Variants in TRHDE observed in about 807,000 individuals in gnomAD.
The protein encoded by TRHDE is thyrotropin-releasing hormone-degrading ectoenzyme.
Under a neutral mutation model 125.7 loss-of-function variants are expected in TRHDE, and 72 were observed. The ratio of observed to expected loss-of-function variants is 0.57; its 90% CI spans 0.47 to 0.70. The LOEUF is 0.70. TRHDE is among the 30% of genes least tolerant of loss of function. The pLI is 0.00. For synonymous variants in TRHDE, 509 were observed against 509.1 expected, an observed-to-expected ratio of 1.00 and a Z score of 0.00; for missense variants, 1,110 against 1,327.1, an observed-to-expected ratio of 0.84 and a Z score of 2.54.
intron 18 of TRHDE, among the ~76,000 whole-genome samples, chr12:72,657,923 T>G (rs541733542): frequency 2.0e-5 from 3 of 152,314 alleles, no homozygotes; most frequent in Non-Finnish European, 4.4e-5. Context: ...CAGTTTTCAC[T>G]GACAGAATGC....
intron 3 of TRHDE, among the ~76,000 whole-genome samples, chr12:72,381,635 A>G (rs2135780946): frequency 6.6e-6 from 1 of 152,116 alleles, no homozygotes; most frequent in African/African-American, 2.4e-5. Flanking sequence ...TGACCTCGTG[A>G]TCCGCCCGCC....
rs184150427 is a variant in TRHDE at position 72,197,152 on chromosome 12, A to T, written n.279+91400A>T. ...CTTTAGTAAGCTGCTGTGCCATCACAATTTCCATTTTCTTCCTACCTCATT... is the reference window on the plus strand; with the variant it reads ...CTTTAGTAAGCTGCTGTGCCATCACTATTTCCATTTTCTTCCTACCTCATT... On this transcript the variant is annotated intron_variant and non_coding_transcript_variant, in intron 2 of 4. Coordinates refer to the TRHDE transcript ENST00000548156. 4.6e-5 allele frequency among the ~76,000 whole-genome samples: 7 copies of T among 152,162 alleles called. No individual in the cohort carries two copies. In the East Asian group the frequency reaches 1.4e-3, roughly 29 times the overall value.
At chr12:72,639,136 G>A (rs1873912906) in intron 15 of TRHDE, among the ~76,000 whole-genome samples, 2 of 150,960 alleles carry the variant, frequency 1.3e-5, no homozygotes, top group African/African-American at 2.4e-5. Flanking sequence ...TCACTTTCAG[G>A]TACACCAATC....
intron 2 of TRHDE, among the ~76,000 whole-genome samples, chr12:72,341,080 C>T (rs1870061626): frequency 6.6e-6 from 1 of 151,440 alleles, no homozygotes; most frequent in Non-Finnish European, 1.5e-5. Context: ...CCATGTGTTT[C>T]TAAAACTTGG....
intron 12 of TRHDE, among the ~76,000 whole-genome samples, chr12:72,614,292 G>A (rs1177529121): frequency 7.9e-6 from 1 of 126,750 alleles, no homozygotes; most frequent in Non-Finnish European, 1.6e-5. Context: ...TTAAGCAATG[G>A]CTGGATTATA....
intron 2 of TRHDE, among the ~76,000 whole-genome samples, chr12:72,372,072 A>G (rs528341469): frequency 9.2e-5 from 14 of 152,204 alleles, no homozygotes; most frequent in African/African-American, 3.4e-4. Context: ...TGACTTTTTA[A>G]TGATTGCCAT....
At chr12:72,367,915 G>A (rs997476512) in intron 2 of TRHDE, among the ~76,000 whole-genome samples, 2 of 152,164 alleles carry the variant, frequency 1.3e-5, no homozygotes, top group African/African-American at 4.8e-5. Context: ...GAATAGCTCT[G>A]GCAAGTCAGA....
At chr12:72,210,551 A>C (rs1877759978) in intron 2 of TRHDE, among the ~76,000 whole-genome samples, 1 of 152,132 alleles carries the variant, frequency 6.6e-6, no homozygotes, top group Non-Finnish European at 1.5e-5. Context: ...GAAAATTATG[A>C]CTCCTACAAA....
chr12:72,383,723 T>TG, intron 3 of TRHDE, among the ~76,000 whole-genome samples: 1 of 151,600 alleles, frequency 6.6e-6, no homozygotes, highest in Non-Finnish European at 1.5e-5. Context: ...TTCTGTTTTT[T>TG]TTTTTTTTTT....
chr12:72,421,654 G>C (rs1873961038), intron 3 of TRHDE, among the ~76,000 whole-genome samples: 1 of 152,196 alleles, frequency 6.6e-6, no homozygotes, highest in Admixed American at 6.5e-5. Flanking sequence ...AGACCTTGTG[G>C]GGTGGGAGAC....
chr12:72,547,233 T>G (rs527608138), intron 7 of TRHDE, among the ~76,000 whole-genome samples: 1 of 151,726 alleles, frequency 6.6e-6, no homozygotes, highest in Non-Finnish European at 1.5e-5. Flanking sequence ...TAAGACCATA[T>G]GATACTTCTC....
intron 2 of TRHDE, among the ~76,000 whole-genome samples, chr12:72,302,268 G>A (rs1047547239): frequency 2.1e-4 from 31 of 148,420 alleles, no homozygotes; most frequent in African/African-American, 6.9e-4. Flanking sequence ...GTGTGTGTGT[G>A]TGCATGTGTG....
rs571916442 is a variant in TRHDE at position 72,272,415 on chromosome 12, C to T, written c.-229C>T. On this transcript the variant is annotated 5_prime_UTR_variant, in exon 1 of 19. Transcript: ENST00000261180. This position sits in a 1 kb window ranked among gnomAD's most constrained non-coding sequence, Gnocchi z 6.7. ...CAAGCAAGACGCTTTCCAAGTTGGG[C>T]GCGTCCCAGAGCTCACAGCCCGGTG... The T allele has an allele frequency of 1.2e-4, 51 of 438,278 alleles. 1 individual carries two copies. The highest frequency in any genetic ancestry group is 9.8e-4 in the African/African-American group (49 of 50,028). The allele number at this position is 438,278 out of a possible 1,614,324, so 27.1% of individuals were successfully genotyped here.
Position 72,151,799 on chromosome 12 carries a change from C to A in TRHDE, n.279+46047C>A, listed in dbSNP as rs1410435930. On this transcript the variant is annotated intron_variant and non_coding_transcript_variant, in intron 2 of 4. Transcript: ENST00000548156. Reference sequence around the variant, plus strand: ...TACCATGCTGTTTTGGTTACTGTAGCCTTGTAGTATAGTTTGAAGTCAGGT... The same window carrying A: ...TACCATGCTGTTTTGGTTACTGTAGACTTGTAGTATAGTTTGAAGTCAGGT... Among the ~76,000 whole-genome samples the A allele has an allele frequency of 1.2e-4, 18 of 152,170 alleles. No individual in the cohort carries two copies. In the South Asian group the frequency reaches 2.5e-3, roughly 21 times the overall value.
At chr12:72,290,456 C>T (rs1270055385) in intron 2 of TRHDE, among the ~76,000 whole-genome samples, 1 of 152,300 alleles carries the variant, frequency 6.6e-6, no homozygotes, top group African/African-American at 2.4e-5. Context: ...TGGTTTCTTT[C>T]ATGCCATAGC....
upstream of TRHDE, among the ~76,000 whole-genome samples, chr12:72,268,950 T>C (rs1308486503): frequency 6.6e-6 from 1 of 152,142 alleles, no homozygotes; most frequent in East Asian, 1.9e-4. Flanking sequence ...AAACATCAGG[T>C]ACTTTAGGAA....
intron 3 of TRHDE, among the ~76,000 whole-genome samples, chr12:72,447,273 A>G (rs1333600386): frequency 6.6e-6 from 1 of 152,188 alleles, no homozygotes; most frequent in African/African-American, 2.4e-5. Context: ...GCTACTGGGT[A>G]CATAACGAAA....
At chr12:72,520,290 G>C (rs1049307933) in intron 6 of TRHDE, among the ~76,000 whole-genome samples, 6 of 152,166 alleles carry the variant, frequency 3.9e-5, no homozygotes, top group African/African-American at 1.4e-4. Flanking sequence ...AGCAATCAGC[G>C]AGACTCCGTG....
chr12:72,571,207 C>G (rs188805756), intron 10 of TRHDE, among the ~76,000 whole-genome samples: 2 of 152,096 alleles, frequency 1.3e-5, no homozygotes, highest in African/African-American at 4.8e-5. Context: ...GTTGTCCCAT[C>G]TCCTCTTTTT....
Sources: gnomAD v4.1 joint callset for allele counts (sites outside exome capture counted in the v4.1 genomes callset) on GRCh38, gnomAD v4.1.1 for gene constraint, Gnocchi (gnomAD v3.1) non-coding constraint, MANE v1.5 for transcripts, NCBI Gene and HGNC (gene_info 2026-07-23, HGNC 2026-07-21) for gene names.